DNAJC5B: variants seen among roughly 807,000 people sequenced by gnomAD.
DNAJC5B encodes the protein DnaJ heat shock protein family (Hsp40) member C5 beta.
Under a neutral mutation model 24.7 loss-of-function variants are expected in DNAJC5B, and 23 were observed. The ratio of observed to expected loss-of-function variants is 0.93; its 90% CI spans 0.67 to 1.32. The LOEUF (loss-of-function observed/expected upper bound fraction) is 1.32, where lower values mean the gene tolerates loss of function less well. DNAJC5B is among the 40% of genes most tolerant of loss of function. The pLI, the probability that DNAJC5B is intolerant of heterozygous loss-of-function variation, is 0.00. For missense variants in DNAJC5B, 238 were observed against 240.8 expected, an observed-to-expected ratio of 0.99 and a Z score of 0.08; for synonymous variants, 101 against 90.1, an observed-to-expected ratio of 1.12 and a Z score of -0.68.
chr8:66,027,013 C>T (rs531215359), intron 1 of DNAJC5B, among the ~76,000 whole-genome samples: 35 of 152,292 alleles, frequency 2.3e-4, no homozygotes, highest in East Asian at 1.2e-3. Flanking sequence ...CAAGTTTGGG[C>T]TTTTAGGATA....
At chr8:66,073,620 T>C (rs1807398031) in intron 3 of DNAJC5B, among the ~76,000 whole-genome samples, 1 of 152,146 alleles carries the variant, frequency 6.6e-6, no homozygotes, top group South Asian at 2.1e-4. Context: ...AATTTGCTCT[T>C]TAAGATATGA....
intron 3 of DNAJC5B, 73 bp from the exon 4 acceptor site, chr8:66,076,587 G>A: frequency 6.8e-7 from 1 of 1,474,352 alleles, no homozygotes; most frequent in Non-Finnish European, 9.4e-7. Flanking sequence ...CAAATGAACA[G>A]TGCCCTTCTA....
intron 2 of DNAJC5B, among the ~76,000 whole-genome samples, chr8:66,048,582 A>G (rs774505752): frequency 1.6e-4 from 25 of 152,202 alleles, no homozygotes; most frequent in Non-Finnish European, 3.4e-4. Context: ...AACTCCCCTC[A>G]TCTTCTCTCT....
At chr8:66,082,193 G>GC (rs1807610876) in intron 5 of DNAJC5B, among the ~76,000 whole-genome samples, 3 of 152,200 alleles carry the variant, frequency 2.0e-5, no homozygotes, top group Admixed American at 6.5e-5. Context: ...CTCAGTCACT[G>GC]ACAGGACCAG....
chr8:66,076,910 A>G, intron 4 of DNAJC5B, 37 bp downstream of exon 4: 1 of 1,605,650 alleles, frequency 6.2e-7, no homozygotes, highest in Non-Finnish European at 8.5e-7. Flanking sequence ...ATCTCCTGTA[A>G]GACCATGATA....
intron 3 of DNAJC5B, among the ~76,000 whole-genome samples, chr8:66,053,279 G>A (rs1282491067): frequency 2.0e-5 from 3 of 152,110 alleles, no homozygotes; most frequent in African/African-American, 7.2e-5. Context: ...ATAGTTTTAA[G>A]TAGATGAAAC....
chr8:66,098,416 T>C (rs1445610881), intron 5 of DNAJC5B, among the ~76,000 whole-genome samples: 2 of 151,902 alleles, frequency 1.3e-5, no homozygotes, highest in East Asian at 3.9e-4. Context: ...TTGGCCAGGA[T>C]GGTCTTGATC....
At chr8:66,041,074 A>G (rs1344465121) in intron 1 of DNAJC5B, among the ~76,000 whole-genome samples, 3 of 152,078 alleles carry the variant, frequency 2.0e-5, no homozygotes, top group Non-Finnish European at 4.4e-5. Flanking sequence ...CAAAGCAACC[A>G]CCTGTTTTTT....
chr8:66,050,527 G>T (rs1349622496), intron 2 of DNAJC5B, among the ~76,000 whole-genome samples: 1 of 152,158 alleles, frequency 6.6e-6, no homozygotes, highest in East Asian at 1.9e-4. Context: ...CTGATAGATA[G>T]TTCTATATTT....
At chr8:66,077,993 AT>A (rs1247237549) in intron 4 of DNAJC5B, among the ~76,000 whole-genome samples, 4 of 152,208 alleles carry the variant, frequency 2.6e-5, no homozygotes, top group Non-Finnish European at 4.4e-5. Context: ...ATGACAATAG[AT>A]TGAACGTTCA....
intron 3 of DNAJC5B, among the ~76,000 whole-genome samples, chr8:66,073,091 A>G (rs1315092470): frequency 6.6e-6 from 1 of 152,174 alleles, no homozygotes; most frequent in African/African-American, 2.4e-5. Flanking sequence ...GAAAAAATCC[A>G]ATTATCACTT....
chr8:66,079,305 ACTAG>A (rs1807539510), intron 4 of DNAJC5B, among the ~76,000 whole-genome samples: 1 of 152,234 alleles, frequency 6.6e-6, no homozygotes, highest in Non-Finnish European at 1.5e-5. Context: ...CTGAAAGATG[ACTAG>A]CTGACAGTGC....
intron 2 of DNAJC5B, among the ~76,000 whole-genome samples, chr8:66,050,569 T>C (rs2128959700): frequency 6.6e-6 from 1 of 152,344 alleles, no homozygotes; most frequent in South Asian, 2.1e-4. Flanking sequence ...CTAATTGGTC[T>C]GGCTTGGGTC....
chr8:66,037,959 G>A (rs757769103), intron 1 of DNAJC5B, among the ~76,000 whole-genome samples: 2 of 152,234 alleles, frequency 1.3e-5, no homozygotes, highest in Non-Finnish European at 2.9e-5. Context: ...TGATCTGCTT[G>A]GTGCAGTGGG....
intron 3 of DNAJC5B, among the ~76,000 whole-genome samples, chr8:66,054,098 A>C (rs1041403263): frequency 2.0e-5 from 3 of 151,940 alleles, no homozygotes; most frequent in Non-Finnish European, 4.4e-5. Context: ...CCTTATACTT[A>C]ATATACATAT....
chr8:66,080,273 G>T lies in DNAJC5B; in HGVS notation c.334-104G>T, dbSNP rs1268001606. On this transcript the variant is annotated intron_variant, in intron 4 of 5. Transcript: ENST00000276570. ...TGTGGCCTGTGGGGTGAACTGTGAA[G>T]TGTTCAGGTCTCTGGGGGTACCTGG... The T allele has an allele frequency of 2.7e-6, 4 of 1,485,102 alleles. No homozygotes were observed. The African/African-American group carries it at 4.2e-5, about 16-fold the overall frequency. The allele number at this position is 1,485,102 out of a possible 1,614,324, so 92.0% of individuals were successfully genotyped here. A position where few individuals can be genotyped will look rare whatever the true frequency, so the allele number is the denominator to read the frequency against.
chr8:66,073,817 A>T (rs1807404755), intron 3 of DNAJC5B, among the ~76,000 whole-genome samples: 1 of 152,070 alleles, frequency 6.6e-6, no homozygotes. Context: ...CAGCACATTA[A>T]AATGTCAGGT....
In DNAJC5B at chr8:66,099,939, G is replaced by A; in HGVS notation, c.508G>A (p.Val170Met). ...EQIKSDMEKD[V>M]DFPVFLQPTN... is the part of the protein sequence containing the mutation. ...TGCTTTGCTTTGTTTATTTTTAGATGTGGACTTTCCAGTTTTTCTCCAGCC... is the reference window on the plus strand; with the variant it reads ...TGCTTTGCTTTGTTTATTTTTAGATATGGACTTTCCAGTTTTTCTCCAGCC... The change falls in exon 6 of 6, where the codon GTG (valine) becomes ATG (methionine). Residue 170 changes from valine (V) to methionine (M), a missense_variant and splice_region_variant. Physicochemically the swap from Val to Met is conservative, Grantham distance 21. Transcript: ENST00000276570. 3 of 1,613,604 alleles carry A rather than the reference G, an allele frequency of 1.9e-6. No homozygotes were observed. The highest frequency in any genetic ancestry group is 2.2e-5 in the East Asian group (1 of 44,868).
chr8:66,087,391 C>T (rs952679763), intron 5 of DNAJC5B, among the ~76,000 whole-genome samples: 1 of 152,152 alleles, frequency 6.6e-6, no homozygotes, highest in African/African-American at 2.4e-5. Context: ...GATAGGGACG[C>T]AGAGCCAAAC....
Sources: allele counts gnomAD v4.1 joint callset (sites outside exome capture counted in the v4.1 genomes callset), GRCh38; gene constraint gnomAD v4.1.1; transcripts MANE v1.5; gene names NCBI Gene and HGNC (gene_info 2026-07-23, HGNC 2026-07-21).